Variants in FHIT observed in about 807,000 individuals in gnomAD.
FHIT encodes the protein fragile histidine triad diadenosine triphosphatase.
FHIT carries 19 observed loss-of-function variants against 17.9 expected under a neutral mutation model. That is an observed-to-expected ratio of 1.06 (90% CI 0.74 to 1.56). The LOEUF (loss-of-function observed/expected upper bound fraction) is 1.56. Among genes scored for constraint, FHIT ranks in the 40% most tolerant of loss-of-function variants. The probability of loss-of-function intolerance (pLI) is 0.00; values close to 1 mark genes in which losing one functional copy is unlikely to be tolerated. For missense variants in FHIT, 248 were observed against 189.2 expected, an observed-to-expected ratio of 1.31 and a Z score of -1.82; for synonymous variants, 81 against 69.7, an observed-to-expected ratio of 1.16 and a Z score of -0.81.
intron 7 of FHIT, among the ~76,000 whole-genome samples, chr3:59,932,928 G>A (rs1706048178): frequency 6.6e-6 from 1 of 152,084 alleles, no homozygotes; most frequent in African/African-American, 2.4e-5. Context: ...TCCTCCAGTA[G>A]ATTCTAAGTC....
chr3:61,113,459 G>A (rs2036216461), intron 2 of FHIT, among the ~76,000 whole-genome samples: 2 of 152,126 alleles, frequency 1.3e-5, no homozygotes, highest in Non-Finnish European at 2.9e-5. Context: ...AAATAAAGTT[G>A]TGTCTATGGT....
chr3:60,034,561 G>A (rs1288362753), intron 5 of FHIT, among the ~76,000 whole-genome samples: 3 of 152,154 alleles, frequency 2.0e-5, no homozygotes, highest in East Asian at 1.9e-4. Context: ...TCGTCAACAT[G>A]TTTCAGAATA....
At chr3:60,612,483 A>T (rs1177156936) in intron 4 of FHIT, among the ~76,000 whole-genome samples, 1 of 152,358 alleles carries the variant, frequency 6.6e-6, no homozygotes, top group East Asian at 1.9e-4. Context: ...TTATCAGGAA[A>T]TCTATGCCTG....
intron 3 of FHIT, among the ~76,000 whole-genome samples, chr3:60,973,226 T>C (rs1710097188): frequency 6.6e-6 from 1 of 152,222 alleles, no homozygotes; most frequent in Non-Finnish European, 1.5e-5. Flanking sequence ...GAAAATCATC[T>C]TAATCCAGTT....
intron 5 of FHIT, among the ~76,000 whole-genome samples, chr3:60,076,632 G>C (rs1000241891): frequency 1.3e-5 from 2 of 151,948 alleles, no homozygotes; most frequent in African/African-American, 2.4e-5. Context: ...CACCAGATTA[G>C]AAATGATTAT....
chr3:60,175,133 A>C (rs1186526872), intron 5 of FHIT, among the ~76,000 whole-genome samples: 1 of 152,202 alleles, frequency 6.6e-6, no homozygotes, highest in East Asian at 1.9e-4. Flanking sequence ...AGAGCCCAGC[A>C]GTGTTAATGC....
intron 3 of FHIT, among the ~76,000 whole-genome samples, chr3:60,824,272 T>C (rs1247963738): frequency 1.3e-5 from 2 of 152,188 alleles, no homozygotes; most frequent in African/African-American, 4.8e-5. Flanking sequence ...CTATGCGAAA[T>C]ATTTTGAAAG....
chr3:60,683,908 A>AT (rs1168397411), intron 4 of FHIT, among the ~76,000 whole-genome samples: 3 of 151,822 alleles, frequency 2.0e-5, no homozygotes, highest in Admixed American at 6.6e-5. Flanking sequence ...GGGTGTCTAT[A>AT]TTTTTTTCTC....
At chr3:61,208,560 A>G (rs1458286266) in intron 1 of FHIT, among the ~76,000 whole-genome samples, 2 of 152,028 alleles carry the variant, frequency 1.3e-5, no homozygotes, top group Non-Finnish European at 2.9e-5. Context: ...TCCCTTTACC[A>G]TTATGCAATG....
chr3:60,716,520 G>C lies in FHIT; in HGVS notation c.-18+105399C>G, dbSNP rs1186702113. ...TCTCATCCAACTGGCAGGTCTTCAGGGGCAGTAACAGGCATGAAGTTCTTA... is the reference window on the plus strand; with the variant it reads ...TCTCATCCAACTGGCAGGTCTTCAGCGGCAGTAACAGGCATGAAGTTCTTA... On this transcript the variant is annotated intron_variant, in intron 4 of 9. Coordinates refer to ENST00000492590, the MANE Select transcript of FHIT (RefSeq NM_002012.4). Among the ~76,000 whole-genome samples the C allele has an allele frequency of 2.6e-5, 4 of 151,834 alleles. No individual in the cohort carries two copies. In the East Asian group the frequency reaches 5.8e-4, roughly 22 times the overall value.
chr3:60,816,327 G>A (rs1701738673), intron 4 of FHIT, among the ~76,000 whole-genome samples: 2 of 151,966 alleles, frequency 1.3e-5, no homozygotes, highest in South Asian at 4.1e-4. Context: ...CAGTTCGCAA[G>A]GGTAATGCTT....
Position 59,958,930 on chromosome 3 carries a change from T to A in FHIT, c.280-36516A>T, listed in dbSNP as rs148579635. 2.2e-4 allele frequency among the ~76,000 whole-genome samples: 33 copies of A among 152,350 alleles called. 1 individual carries two copies. The East Asian group carries it at 5.8e-3, about 27-fold the overall frequency. On this transcript the variant is annotated intron_variant, in intron 7 of 9. Coordinates refer to ENST00000492590, the MANE Select transcript of FHIT (RefSeq NM_002012.4). Reference sequence around the variant, plus strand: ...GCAGCAACCTCTGTCATTACAATCATGTGTCGCTTTGGTATAGGCATTGAA... The same window carrying A: ...GCAGCAACCTCTGTCATTACAATCAAGTGTCGCTTTGGTATAGGCATTGAA...
chr3:61,161,435 T>C (rs1244875222), intron 2 of FHIT, among the ~76,000 whole-genome samples: 2 of 152,052 alleles, frequency 1.3e-5, no homozygotes, highest in Non-Finnish European at 2.9e-5. Context: ...ATCTCCTGAT[T>C]TCGTGATCCG....
intron 5 of FHIT, among the ~76,000 whole-genome samples, chr3:60,189,487 G>A (rs1702305707): frequency 6.6e-6 from 1 of 152,134 alleles, no homozygotes. Flanking sequence ...TCTGCTGAAT[G>A]CTACAACTCC....
At chr3:60,471,272 C>T (rs567823499) in intron 5 of FHIT, among the ~76,000 whole-genome samples, 6 of 152,328 alleles carry the variant, frequency 3.9e-5, no homozygotes, top group South Asian at 2.1e-4. Flanking sequence ...GAGCTCAGTA[C>T]AGGACCAGGA....
chr3:60,188,876 T>C (rs1702277539), intron 5 of FHIT, among the ~76,000 whole-genome samples: 2 of 152,170 alleles, frequency 1.3e-5, no homozygotes, highest in Non-Finnish European at 2.9e-5. Flanking sequence ...AAGCAATTTT[T>C]TTTTTAGCCG....
At chr3:60,348,347 T>A (rs1710903050) in intron 5 of FHIT, among the ~76,000 whole-genome samples, 1 of 152,164 alleles carries the variant, frequency 6.6e-6, no homozygotes, top group South Asian at 2.1e-4. Context: ...TGTATATATG[T>A]TCAATAATGT....
chr3:60,878,262 ACC>A (rs1704764997), intron 3 of FHIT, among the ~76,000 whole-genome samples: 1 of 151,992 alleles, frequency 6.6e-6, no homozygotes, highest in African/African-American at 2.4e-5. Context: ...GTACCCCAGG[ACC>A]CAAGAGCCAC....
At chr3:60,359,514 C>T (rs937166559) in intron 5 of FHIT, among the ~76,000 whole-genome samples, 1 of 151,924 alleles carries the variant, frequency 6.6e-6, no homozygotes, top group African/African-American at 2.4e-5. Context: ...CTCTTGACCT[C>T]GTGATCCACC....
Sources: gnomAD v4.1 joint callset for allele counts (sites outside exome capture counted in the v4.1 genomes callset) on GRCh38, gnomAD v4.1.1 for gene constraint, MANE v1.5 for transcripts, NCBI Gene and HGNC (gene_info 2026-07-23, HGNC 2026-07-21) for gene names.